GRM3: variants seen among roughly 807,000 people sequenced by gnomAD.
GRM3 encodes glutamate metabotropic receptor 3, also known as metabotropic glutamate receptor 3.
GRM3 carries 26 observed loss-of-function variants against 70.5 expected under a neutral mutation model. The ratio of observed to expected loss-of-function variants is 0.37; its 90% confidence interval spans 0.27 to 0.51. GRM3 has a LOEUF of 0.51. Ranked by LOEUF, GRM3 falls within the 20% of genes least tolerant of loss-of-function variation. GRM3 has a pLI of 0.93. For missense variants in GRM3, 859 were observed against 1,123.8 expected (o/e 0.76, Z 3.37); for synonymous variants, 443 against 434.9 (o/e 1.02, Z -0.23).
At chr7:86,647,031 A>T (rs1364947831) in intron 1 of GRM3, among the ~76,000 whole-genome samples, 1 of 152,204 alleles carries the variant, frequency 6.6e-6, no homozygotes, top group Non-Finnish European at 1.5e-5. Flanking sequence ...AATATAACGA[A>T]ATTGATTGAG....
chr7:86,786,666 A>G lies in GRM3; in HGVS notation c.874A>G (p.Asn292Asp). ...GCTCATTGCAGCCGCCAGCCGCGCC[A>G]ATGCCTCCTTCACCTGGGTGGCCAG... The part of the protein sequence containing the change: ...RELIAAASRA[N>D]ASFTWVASDG... The change falls in exon 3 of 6, where the codon AAT becomes GAT. Residue 292 changes from asparagine (N) to aspartate (D), a missense_variant. Transcript: ENST00000361669. The surrounding 1 kb of genome is among the most constrained non-coding windows in gnomAD (Gnocchi z 6.0). 1 of 1,612,070 alleles carries G rather than the reference A, an allele frequency of 6.2e-7. No homozygotes were observed.
At chr7:86,646,824 C>CA (rs1169347547) in intron 1 of GRM3, among the ~76,000 whole-genome samples, 16 of 151,642 alleles carry the variant, frequency 1.1e-4, no homozygotes, top group African/African-American at 2.2e-4. Flanking sequence ...AAGCCACACA[C>CA]ACAAAAAAAT....
intron 3 of GRM3, among the ~76,000 whole-genome samples, chr7:86,797,496 T>A (rs1584251117): frequency 6.6e-6 from 1 of 152,174 alleles, no homozygotes; most frequent in African/African-American, 2.4e-5. Context: ...AAGAAATTTC[T>A]AAGCAGTTCA....
chr7:86,734,802 C>T (rs1795817412), intron 1 of GRM3, among the ~76,000 whole-genome samples: 1 of 152,168 alleles, frequency 6.6e-6, no homozygotes, highest in African/African-American at 2.4e-5. Flanking sequence ...TAGTCCCCTC[C>T]TCATCCTCCT....
chr7:86,830,698 A>G (rs1798332691), intron 3 of GRM3, among the ~76,000 whole-genome samples: 1 of 152,218 alleles, frequency 6.6e-6, no homozygotes. Context: ...AAAGTTCAAT[A>G]TCAGGCAAAA....
chr7:86,769,916 T>C (rs1432810556), intron 2 of GRM3, among the ~76,000 whole-genome samples: 3 of 152,148 alleles, frequency 2.0e-5, no homozygotes, highest in African/African-American at 7.2e-5. Context: ...TCAAAGCATT[T>C]TTAAGACTGT....
chr7:86,663,818 T>C (rs1386467864), intron 1 of GRM3, among the ~76,000 whole-genome samples: 1 of 150,472 alleles, frequency 6.6e-6, no homozygotes, highest in Non-Finnish European at 1.5e-5. Context: ...ATTGAACTTA[T>C]ACATACTAAA....
chr7:86,814,693 T>C (rs1797981020), intron 3 of GRM3, among the ~76,000 whole-genome samples: 1 of 151,650 alleles, frequency 6.6e-6, no homozygotes, highest in African/African-American at 2.4e-5. Flanking sequence ...GCTCCTTTGC[T>C]ATATTTACCA....
intron 1 of GRM3, among the ~76,000 whole-genome samples, chr7:86,645,333 T>C (rs1433781967): frequency 6.6e-6 from 1 of 152,104 alleles, no homozygotes; most frequent in Non-Finnish European, 1.5e-5. Flanking sequence ...CGAGACCTGG[T>C]CCATGCAGCC....
chr7:86,798,417 A>G (rs1797606479), intron 3 of GRM3, among the ~76,000 whole-genome samples: 1 of 152,192 alleles, frequency 6.6e-6, no homozygotes, highest in Non-Finnish European at 1.5e-5. Flanking sequence ...AAAGGAGACC[A>G]TTTTGGAGCT....
At chr7:86,745,689 T>C (rs998871743) in intron 1 of GRM3, among the ~76,000 whole-genome samples, 64 of 152,248 alleles carry the variant, frequency 4.2e-4, no homozygotes, top group African/African-American at 1.5e-3. Context: ...ATTATCATTA[T>C]AGTAAAATGT....
intron 1 of GRM3, among the ~76,000 whole-genome samples, chr7:86,687,554 A>G (rs1236629494): frequency 1.3e-5 from 2 of 151,982 alleles, no homozygotes; most frequent in Non-Finnish European, 2.9e-5. Flanking sequence ...AGCAAAATAG[A>G]CATTTTCAGA....
rs745957126 is a variant in GRM3 at position 86,839,868 on chromosome 7, T to G, written c.2354T>G (p.Phe785Cys). The G allele has an allele frequency of 2.5e-6, 4 of 1,610,232 alleles. No homozygotes were observed. The Admixed American group carries it at 6.7e-5, about 27-fold the overall frequency. The change falls in exon 4 of 6, where the codon TTC (phenylalanine) becomes TGC (cysteine). Residue 785 changes from phenylalanine (F) to cysteine (C), a missense_variant. By Grantham distance (205) the Phe-to-Cys change is radical (BLOSUM62 -2). Transcript: ENST00000361669. This position sits in a 1 kb window ranked among gnomAD's most constrained non-coding sequence, Gnocchi z 4.5. ...MYTTCIIWLA[F>C]LPIFYVTSSD... The stretch of plus-strand genomic sequence containing the variant: ...ACCACGTGCATCATCTGGTTGGCCT[T>G]CCTCCCTATATTTTATGTGACATCA...
chr7:86,684,052 A>ATTT (rs111537366), intron 1 of GRM3, among the ~76,000 whole-genome samples: 32 of 149,426 alleles, frequency 2.1e-4, no homozygotes, highest in African/African-American at 7.6e-4. Context: ...TTTGCTGGGG[A>ATTT]TTTTTTTTTT....
At chr7:86,658,911 G>A (rs986270478) in intron 1 of GRM3, among the ~76,000 whole-genome samples, 2 of 79,180 alleles carry the variant, frequency 2.5e-5, no homozygotes, top group African/African-American at 4.9e-5. Flanking sequence ...TTAATAGCAA[G>A]GTTATTAATA....
chr7:86,650,818 T>C (rs1172680224), intron 1 of GRM3, among the ~76,000 whole-genome samples: 1 of 152,184 alleles, frequency 6.6e-6, no homozygotes, highest in Non-Finnish European at 1.5e-5. Context: ...AAAATGCTGA[T>C]GTTTCTCTCC....
At chr7:86,743,725 G>A (rs1226181448) in intron 1 of GRM3, among the ~76,000 whole-genome samples, 1 of 152,162 alleles carries the variant, frequency 6.6e-6, no homozygotes, top group African/African-American at 2.4e-5. Context: ...TTGGTATAAA[G>A]AAGAGTAGGA....
At chr7:86,743,602 T>A (rs1796038079) in intron 1 of GRM3, among the ~76,000 whole-genome samples, 1 of 152,148 alleles carries the variant, frequency 6.6e-6, no homozygotes, top group African/African-American at 2.4e-5. Flanking sequence ...ATTGTGAGAT[T>A]GACAATATAG....
chr7:86,715,300 G>A (rs955923173), intron 1 of GRM3, among the ~76,000 whole-genome samples: 4 of 152,008 alleles, frequency 2.6e-5, no homozygotes, highest in African/African-American at 9.7e-5. Flanking sequence ...TCATGAAGTA[G>A]CAGAGAATAG....
Sources: allele counts gnomAD v4.1 joint callset (sites outside exome capture counted in the v4.1 genomes callset), GRCh38; gene constraint gnomAD v4.1.1; non-coding constraint Gnocchi (gnomAD v3.1); transcripts MANE v1.5; gene names NCBI Gene and HGNC (gene_info 2026-07-23, HGNC 2026-07-21).